Variants in GCNT2 observed in about 807,000 individuals in gnomAD.
GCNT2 encodes the protein glucosaminyl (N-acetyl) transferase 2 (I blood group), also known as N-acetyllactosaminide beta-1,6-N-acetylglucosaminyl-transferase.
Under a neutral mutation model 34.2 loss-of-function variants are expected in GCNT2, and 34 were observed. That is an observed-to-expected ratio of 1.00 (90% CI 0.76 to 1.32). The LOEUF is 1.32. GCNT2 is among the 40% of genes most tolerant of loss of function. The pLI, the probability that GCNT2 is intolerant of heterozygous loss-of-function variation, is 0.00. For synonymous variants in GCNT2, 212 were observed against 188.0 expected, an observed-to-expected ratio of 1.13 and a Z score of -1.04; for missense variants, 584 against 489.4, an observed-to-expected ratio of 1.19 and a Z score of -1.82.
At chr6:10,569,947 T>TCTTC (rs111705213) in intron 3 of GCNT2, among the ~76,000 whole-genome samples, 6 of 145,488 alleles carry the variant, frequency 4.1e-5, no homozygotes, top group African/African-American at 1.0e-4. Flanking sequence ...CTTCCTTCCT[T>TCTTC]CTTCCTTCCT....
intron 3 of GCNT2, chr6:10,586,746 TCACCTC>T (rs758563603): frequency 3.7e-6 from 6 of 1,614,040 alleles, no homozygotes; most frequent in Non-Finnish European, 5.1e-6. Context: ...TTTGAAAACT[TCACCTC>T]CACATCAGCT....
intron 3 of GCNT2, among the ~76,000 whole-genome samples, chr6:10,570,716 C>G (rs921636476): frequency 6.6e-6 from 1 of 152,212 alleles, no homozygotes; most frequent in Admixed American, 6.5e-5. Context: ...GCCCTCCTGC[C>G]TTAGAGTCCA....
chr6:10,535,986 A>T (rs1761733673), intron 3 of GCNT2, among the ~76,000 whole-genome samples: 1 of 152,156 alleles, frequency 6.6e-6, no homozygotes, highest in Non-Finnish European at 1.5e-5. Flanking sequence ...TTTCCTGTAG[A>T]GTCCATACTG....
At chr6:10,528,227 A>G (rs1761295971) in intron 2 of GCNT2, 1 of 152,630 alleles carries the variant, frequency 6.6e-6, no homozygotes. Flanking sequence ...CCCTGGAAAG[A>G]ATTTAGCCCA....
At chr6:10,535,311 G>C (rs1421247213) in intron 3 of GCNT2, among the ~76,000 whole-genome samples, 1 of 152,120 alleles carries the variant, frequency 6.6e-6, no homozygotes, top group Non-Finnish European at 1.5e-5. Context: ...ACAGAAAGGG[G>C]GTTCACATAT....
At chr6:10,533,934 G>A (rs894249829) in intron 3 of GCNT2, among the ~76,000 whole-genome samples, 1 of 151,628 alleles carries the variant, frequency 6.6e-6, no homozygotes. Context: ...TGGTGCAGTG[G>A]TCAGGCTCTG....
At chr6:10,576,792 A>G (rs1763836466) in intron 3 of GCNT2, among the ~76,000 whole-genome samples, 1 of 152,152 alleles carries the variant, frequency 6.6e-6, no homozygotes, top group South Asian at 2.1e-4. Context: ...GCACTCAAGA[A>G]GCCGGATACA....
Position 10,547,893 on chromosome 6 carries a change from T to C in GCNT2, c.925+18057T>C, listed in dbSNP as rs1046292401. 2.3e-4 allele frequency among the ~76,000 whole-genome samples: 35 copies of C among 152,248 alleles called. 1 individual carries two copies. Among genetic ancestry groups the C allele is most frequent in the African/African-American group, 8.4e-4 (35 of 41,472 alleles). ...TTCAATGGGTTATAATCCATTATTC[T>C]TTTTACTTACTTTACTGCTCAAATT... is the stretch of plus-strand genomic sequence containing the variant. On this transcript the variant is annotated intron_variant, in intron 3 of 4. Transcript: ENST00000495262.
At chr6:10,600,735 C>G (rs915474764) in intron 3 of GCNT2, among the ~76,000 whole-genome samples, 1 of 152,170 alleles carries the variant, frequency 6.6e-6, no homozygotes, top group Non-Finnish European at 1.5e-5. Context: ...GTGAGGGTCT[C>G]TCTTAGATCC....
At chr6:10,571,627 A>G (rs897548875) in intron 3 of GCNT2, among the ~76,000 whole-genome samples, 9 of 152,298 alleles carry the variant, frequency 5.9e-5, no homozygotes, top group African/African-American at 2.2e-4. Context: ...TGCTGGGATT[A>G]CAGGTGTGTG....
intron 1 of GCNT2, among the ~76,000 whole-genome samples, chr6:10,526,452 C>T (rs1306245256): frequency 1.3e-5 from 2 of 152,158 alleles, no homozygotes; most frequent in Non-Finnish European, 2.9e-5. Context: ...GGAATAACTC[C>T]AGGTTCTAAA....
chr6:10,556,099 A>G (rs1762687187), intron 3 of GCNT2: 2 of 1,229,472 alleles, frequency 1.6e-6, no homozygotes, highest in South Asian at 3.5e-5. Flanking sequence ...CTGCCGGGGG[A>G]AAGAGAGTTA....
At chr6:10,580,945 G>A (rs1009879472) in intron 3 of GCNT2, among the ~76,000 whole-genome samples, 1 of 152,144 alleles carries the variant, frequency 6.6e-6, no homozygotes, top group Admixed American at 6.5e-5. Flanking sequence ...GTTATCCTGG[G>A]GCAGAGAGAG....
At chr6:10,574,949 C>T (rs1392106766) in intron 3 of GCNT2, 5 of 720,806 alleles carry the variant, frequency 6.9e-6, no homozygotes, top group African/African-American at 1.7e-5. Flanking sequence ...TTAATGTGCT[C>T]AATACACACA....
intron 3 of GCNT2, among the ~76,000 whole-genome samples, chr6:10,595,274 T>G (rs1764805390): frequency 6.6e-6 from 1 of 151,712 alleles, no homozygotes; most frequent in Non-Finnish European, 1.5e-5. Flanking sequence ...TGCTTTATTT[T>G]CTTTCTTTTT....
intron 3 of GCNT2, among the ~76,000 whole-genome samples, chr6:10,536,150 C>T (rs988192701): frequency 4.6e-5 from 7 of 152,126 alleles, no homozygotes; most frequent in Non-Finnish European, 1.0e-4. Context: ...CTTGGGAACT[C>T]ATCCTTGAGC....
intron 3 of GCNT2, among the ~76,000 whole-genome samples, chr6:10,600,739 T>C (rs1765057115): frequency 6.6e-6 from 1 of 152,162 alleles, no homozygotes; most frequent in Non-Finnish European, 1.5e-5. Flanking sequence ...GGGTCTCTCT[T>C]AGATCCTCAG....
At chr6:10,611,580 C>T (rs543213596) in intron 3 of GCNT2, among the ~76,000 whole-genome samples, 3 of 152,198 alleles carry the variant, frequency 2.0e-5, no homozygotes, top group East Asian at 1.9e-4. Context: ...CTGCCCGCCT[C>T]GGCCTCCCAA....
At chr6:10,544,690 TAGC>T (rs1222189849) in intron 3 of GCNT2, among the ~76,000 whole-genome samples, 6 of 151,684 alleles carry the variant, frequency 4.0e-5, no homozygotes, top group South Asian at 2.1e-4. Context: ...ATGCCTGTAA[TAGC>T]AGCATTTTGG....
Sources: allele counts gnomAD v4.1 joint callset (sites outside exome capture counted in the v4.1 genomes callset), GRCh38; gene constraint gnomAD v4.1.1; transcripts MANE v1.5; gene names NCBI Gene and HGNC (gene_info 2026-07-23, HGNC 2026-07-21).